NFIB: variants seen among roughly 807,000 people sequenced by gnomAD.
NFIB encodes nuclear factor 1 B-type.
NFIB carries 11 observed loss-of-function variants against 61.5 expected under a neutral mutation model. That is an observed-to-expected ratio of 0.18 (90% CI 0.11 to 0.30). NFIB has a LOEUF of 0.30. Ranked by LOEUF, NFIB falls within the 10% of genes least tolerant of loss-of-function variation. NFIB has a pLI of 1.00. For synonymous variants in NFIB, 260 were observed against 216.5 expected (o/e 1.20, Z -1.76); for missense variants, 471 against 608.9 (o/e 0.77, Z 2.38).
intron 2 of NFIB, among the ~76,000 whole-genome samples, chr9:14,243,766 C>G (rs1205041183): frequency 6.6e-6 from 1 of 152,116 alleles, no homozygotes; most frequent in Admixed American, 6.5e-5. Flanking sequence ...AATGTTCATC[C>G]ACTCAAAGAC....
intron 1 of NFIB, among the ~76,000 whole-genome samples, chr9:14,351,944 G>A (rs60872002): frequency 6.6e-6 from 1 of 152,190 alleles, no homozygotes; most frequent in East Asian, 1.9e-4. Flanking sequence ...TCTGAGAGCA[G>A]AGTGTGCCAC....
the NFIB span, among the ~76,000 whole-genome samples, chr9:14,420,445 C>CAAAAAAAAAAAAAAAAAAAAAAAAAAA: frequency 2.8e-4 from 12 of 42,428 alleles, no homozygotes; most frequent in East Asian, 7.6e-4. Flanking sequence ...GACTCCGTCT[C>CAAAAAAAAAAAAAAAAAAAAAAAAAAA]AAAAAAAAAA....
chr9:14,118,478 A>G (rs2038453370), intron 8 of NFIB, among the ~76,000 whole-genome samples: 1 of 152,180 alleles, frequency 6.6e-6, no homozygotes, highest in African/African-American at 2.4e-5. Flanking sequence ...AATAAAGGTG[A>G]CAAAGAAAGA....
At chr9:14,248,591 A>G (rs1456814970) in intron 2 of NFIB, among the ~76,000 whole-genome samples, 2 of 152,100 alleles carry the variant, frequency 1.3e-5, no homozygotes, top group Non-Finnish European at 2.9e-5. Flanking sequence ...TTTGTTAGTA[A>G]TAACAATAAT....
At chr9:14,218,493 G>T (rs1054495498) in intron 2 of NFIB, among the ~76,000 whole-genome samples, 52 of 152,186 alleles carry the variant, frequency 3.4e-4, no homozygotes, top group African/African-American at 1.3e-3. Flanking sequence ...CGCTGAAGGT[G>T]CATGGCAAAC....
the NFIB span, among the ~76,000 whole-genome samples, chr9:14,420,217 A>G: frequency 6.6e-6 from 1 of 151,948 alleles, no homozygotes; most frequent in East Asian, 1.9e-4. Context: ...GAGGCCGAGA[A>G]GGGCAGATCA....
At chr9:14,515,470 G>A in the NFIB span, among the ~76,000 whole-genome samples, 8 of 152,108 alleles carry the variant, frequency 5.3e-5, no homozygotes, top group Middle Eastern at 3.2e-3. Context: ...TAGGCAAGGT[G>A]GATTTCAATC....
chr9:14,164,823 C>T (rs907135666), intron 3 of NFIB, among the ~76,000 whole-genome samples: 3 of 152,066 alleles, frequency 2.0e-5, no homozygotes, highest in African/African-American at 7.2e-5. Flanking sequence ...GTTTGGCTTC[C>T]AACCCCAGCT....
the NFIB span, among the ~76,000 whole-genome samples, chr9:14,492,374 A>ATAAATAAATAAATAAG: frequency 6.6e-6 from 1 of 151,334 alleles, no homozygotes; most frequent in African/African-American, 2.4e-5. Flanking sequence ...AAATAAATAA[A>ATAAATAAATAAATAAG]TAAATAAATA....
the NFIB span, among the ~76,000 whole-genome samples, chr9:14,435,080 A>G: frequency 2.0e-5 from 3 of 152,134 alleles, no homozygotes; most frequent in Non-Finnish European, 4.4e-5. Flanking sequence ...TCACAAATAC[A>G]TCTTCCGTCT....
intron 10 of NFIB, among the ~76,000 whole-genome samples, chr9:14,106,303 A>G (rs2036546145): frequency 6.6e-6 from 1 of 152,176 alleles, no homozygotes; most frequent in Admixed American, 6.5e-5. Context: ...CATATAAATC[A>G]TTTTAATCCT....
In NFIB at chr9:14,238,631, G is replaced by A. The variant is rs77978089; in HGVS notation, c.563-58851C>T. Among the ~76,000 whole-genome samples, 11 of 152,232 alleles carry A rather than the reference G, an allele frequency of 7.2e-5. No individual in the cohort carries two copies. The East Asian group carries it at 2.1e-3, about 29-fold the overall frequency. ...CCTTCTGTAAAGCCCTGCAGCTGAGGGCTTACATCCGCCTGGTCCAATCAG... is the reference window on the plus strand; with the variant it reads ...CCTTCTGTAAAGCCCTGCAGCTGAGAGCTTACATCCGCCTGGTCCAATCAG... On this transcript the variant is annotated intron_variant, in intron 2 of 10. Transcript: ENST00000380953.
the NFIB span, among the ~76,000 whole-genome samples, chr9:14,511,281 CTTCT>C: frequency 6.6e-6 from 1 of 151,564 alleles, no homozygotes; most frequent in African/African-American, 2.4e-5. Flanking sequence ...ATGTTTATTG[CTTCT>C]TTAAATTTTT....
intron 3 of NFIB, among the ~76,000 whole-genome samples, chr9:14,171,968 T>C (rs1443873714): frequency 6.6e-6 from 1 of 152,194 alleles, no homozygotes; most frequent in Non-Finnish European, 1.5e-5. Flanking sequence ...CCATATGCAA[T>C]TTTTAAACAT....
chr9:14,410,896 A>G, the NFIB span, among the ~76,000 whole-genome samples: 2 of 152,226 alleles, frequency 1.3e-5, no homozygotes, highest in South Asian at 2.1e-4. Context: ...TACAGGGAAT[A>G]TAAATGTTAA....
At chr9:14,152,249 A>G (rs1009405387) in intron 4 of NFIB, among the ~76,000 whole-genome samples, 2 of 152,124 alleles carry the variant, frequency 1.3e-5, no homozygotes, top group African/African-American at 4.8e-5. Context: ...CATCCTTTAC[A>G]CAGAAAATAC....
chr9:14,342,995 G>A lies in NFIB; in HGVS notation c.109-35475C>T, dbSNP rs145821811. On this transcript the variant is annotated intron_variant, in intron 1 of 8. Transcript: ENST00000380934. ...TTAAAGAAAGGAGGGAAAGAAAAGGGGGTGAGGCCAACGGAAATAATTTGT... is the reference window on the plus strand; with the variant it reads ...TTAAAGAAAGGAGGGAAAGAAAAGGAGGTGAGGCCAACGGAAATAATTTGT... 2.3e-3 allele frequency among the ~76,000 whole-genome samples: 350 copies of A among 152,128 alleles called. 1 individual carries two copies. Among genetic ancestry groups the A allele is most frequent in the African/African-American group, 8.1e-3 (334 of 41,472 alleles).
At chr9:14,461,100 CCA>C in the NFIB span, among the ~76,000 whole-genome samples, 4 of 152,122 alleles carry the variant, frequency 2.6e-5, no homozygotes, top group Non-Finnish European at 5.9e-5. Flanking sequence ...TCAATCTTCT[CCA>C]CAGTCCCATA....
intron 1 of NFIB, chr9:14,322,398 C>G (rs1212782806): frequency 1.7e-5 from 4 of 235,532 alleles, no homozygotes; most frequent in African/African-American, 8.8e-5. Flanking sequence ...GGGGCTGCGC[C>G]GGTCAGATGC....
Sources: gnomAD v4.1 joint callset for allele counts (sites outside exome capture counted in the v4.1 genomes callset) on GRCh38, gnomAD v4.1.1 for gene constraint, MANE v1.5 for transcripts, NCBI Gene and HGNC (gene_info 2026-07-23, HGNC 2026-07-21) for gene names.